Variants in IQSEC2 observed in about 807,000 individuals in gnomAD.
IQSEC2 encodes IQ motif and SEC7 domain-containing protein 2.
Under a neutral mutation model 74.6 loss-of-function variants are expected in IQSEC2, and 6 were observed. The ratio of observed to expected loss-of-function variants is 0.08; its 90% confidence interval spans 0.04 to 0.16. IQSEC2 has a LOEUF of 0.16. Among genes scored for constraint, IQSEC2 ranks in the 10% least tolerant of loss-of-function variants. The probability of loss-of-function intolerance (pLI) is 1.00; values close to 1 mark genes in which losing one functional copy is unlikely to be tolerated. For missense variants in IQSEC2, 734 were observed against 1,306.2 expected (o/e 0.56, Z 6.75); for synonymous variants, 494 against 544.5 (o/e 0.91, Z 1.29).
intron 8 of IQSEC2, among the ~76,000 whole-genome samples, chrX:53,243,958 G>A (rs1278068766): frequency 4.5e-5 from 5 of 111,771 alleles, no homozygotes; most frequent in African/African-American, 9.7e-5. Flanking sequence ...GGTGGCTCAC[G>A]CCTGTACTCC....
intron 2 of IQSEC2, among the ~76,000 whole-genome samples, chrX:53,277,711 C>T (rs782718996): frequency 9.9e-5 from 11 of 111,627 alleles, no homozygotes; most frequent in African/African-American, 3.3e-4. Flanking sequence ...TGCTCTGTTA[C>T]CCAGGCTGGA....
In IQSEC2 at chrX:53,234,588, G is replaced by C. The variant is rs1200431219; in HGVS notation, c.4098C>G (p.Ser1366=). The C allele has an allele frequency of 8.9e-7, 1 of 1,126,920 alleles. No individual in the cohort carries two copies. Among genetic ancestry groups the C allele is most frequent in the Non-Finnish European group, 1.2e-6 (1 of 851,782 alleles). The allele number at this position is 1,126,920 out of a possible 1,213,427, so 92.9% of individuals were successfully genotyped here. Residue 1366 remains serine, a synonymous_variant, in exon 15 of 15, where the codon TCC becomes TCG. Coordinates refer to ENST00000642864, the MANE Select transcript of IQSEC2 (RefSeq NM_001111125.3). Reference sequence around the variant, plus strand: ...GGGCAGGACTGTACAGGGGCAGTGGGGATGTGGGCTGGTGCAGGGGGTGGC... The same window carrying C: ...GGGCAGGACTGTACAGGGGCAGTGGCGATGTGGGCTGGTGCAGGGGGTGGC... ...HGRHPLHQPT[S]PLPLYSPAPQ... is the part of the protein sequence containing the mutation.
intron 1 of IQSEC2, among the ~76,000 whole-genome samples, chrX:53,307,292 T>G (rs1473093508): frequency 1.4e-5 from 1 of 69,283 alleles, no homozygotes; most frequent in African/African-American, 4.1e-5. Context: ...TCTTTCTTTC[T>G]TTCTTTTTTT....
Position 53,250,290 on chromosome X carries a change from G to A in IQSEC2, c.2286C>T (p.Asn762=), listed in dbSNP as rs942858332. The A allele has an allele frequency of 2.5e-6, 3 of 1,211,116 alleles. No individual in the cohort carries two copies. The highest frequency in any genetic ancestry group is 2.2e-6 in the Non-Finnish European group (2 of 895,453). The part of the protein sequence containing the change: ...VQRRHYRIGL[N]LFNKKPEKGI... The stretch of plus-strand genomic sequence containing the variant: ...CGGGGAGCACGCACTTGTTGAAGAG[G>A]TTGAGGCCGATTCGGTAGTGCCGCC... Residue 762 remains asparagine (N), a synonymous_variant, in exon 5 of 15, where the codon AAC becomes AAT. Transcript: ENST00000642864.
Position 53,248,882 on chromosome X carries a change from C to T in IQSEC2, c.2298G>A (p.Lys766=). 8.3e-7 allele frequency: 1 copy of T among 1,207,696 alleles called. No homozygotes were observed. Among genetic ancestry groups the T allele is most frequent in the Non-Finnish European group, 1.1e-6 (1 of 893,251 alleles). The part of the protein sequence containing the change: ...HYRIGLNLFN[K]KPEKGIQYLI... The stretch of plus-strand genomic sequence containing the variant: ...GATACTGGATACCCTTCTCTGGCTT[C>T]CTGCAGAAAGAGGAGAGGTAGATGA... The change falls in exon 6 of 15, where the codon AAG becomes AAA. Residue 766 remains lysine (K), a splice_region_variant and synonymous_variant. Transcript: ENST00000642864.
chrX:53,319,327 A>G (rs1158868760), intron 1 of IQSEC2, among the ~76,000 whole-genome samples: 2 of 111,633 alleles, frequency 1.8e-5, no homozygotes, highest in African/African-American at 6.5e-5. Flanking sequence ...AGAACCATCA[A>G]ATCTGAGCTG....
intron 1 of IQSEC2, among the ~76,000 whole-genome samples, chrX:53,310,342 C>T (rs782415535): frequency 1.8e-5 from 2 of 110,699 alleles, no homozygotes; most frequent in Non-Finnish European, 3.8e-5. Flanking sequence ...TGTGATCGCA[C>T]CACTGTTCTC....
chrX:53,235,882 A>T, intron 13 of IQSEC2, 50 bp from the exon 14 acceptor site: 1 of 1,091,823 alleles, frequency 9.2e-7, no homozygotes, highest in Non-Finnish European at 1.2e-6. Context: ...CCCCCCCCCT[A>T]CCCTGCTGGG....
Position 53,250,422 on chromosome X carries a change from C to T in IQSEC2, c.2154G>A (p.Arg718=), listed in dbSNP as rs1556863014. 1.7e-6 allele frequency: 2 copies of T among 1,211,839 alleles called. No individual in the cohort carries two copies. The highest frequency in any genetic ancestry group is 2.2e-6 in the Non-Finnish European group (2 of 895,453). ...TINCSSGSSS[R]DSLREPPATG... Reference sequence around the variant, plus strand: ...TAGCCGGAGGCTCCCTTAGACTGTCCCGAGAAGAGGAGCCGGAGCTGCAGT... The same window carrying T: ...TAGCCGGAGGCTCCCTTAGACTGTCTCGAGAAGAGGAGCCGGAGCTGCAGT... The change falls in exon 5 of 15, where the codon CGG becomes CGA. Residue 718 remains arginine, a synonymous_variant. Transcript: ENST00000642864.
Position 53,311,665 on chromosome X carries a change from T to C in IQSEC2, c.707+8752A>G, listed in dbSNP as rs781967370. Among the ~76,000 whole-genome samples, 8 of 112,066 alleles carry C rather than the reference T, an allele frequency of 7.1e-5. No individual in the cohort carries two copies. The South Asian group carries it at 2.6e-3, about 36-fold the overall frequency. On this transcript the variant is annotated intron_variant, in intron 1 of 14. Transcript: ENST00000642864. Reference sequence around the variant, plus strand: ...GCATGGTGGCTCATGCCTGTAATCCTAGTACTTTGGGAGGCCAGGGCAGGT... The same window carrying C: ...GCATGGTGGCTCATGCCTGTAATCCCAGTACTTTGGGAGGCCAGGGCAGGT...
At chrX:53,300,229 C>T (rs782258363) in intron 1 of IQSEC2, among the ~76,000 whole-genome samples, 9 of 111,412 alleles carry the variant, frequency 8.1e-5, no homozygotes, top group Non-Finnish European at 1.5e-4. Flanking sequence ...TTTTTTACTC[C>T]TTTTTTCATA....
In IQSEC2 at chrX:53,266,278, G is replaced by A. The variant is rs1486163059; in HGVS notation, c.738-10217C>T. On this transcript the variant is annotated intron_variant, in intron 2 of 14. Transcript: ENST00000642864. ...TAGGAAAGAAGGCAAGGCCCTGGTG[G>A]GGATTGGAAGAGGGAAGTGGGGGTG... 15 of 567,946 alleles carry A rather than the reference G, an allele frequency of 2.6e-5. No individual in the cohort carries two copies. In the Admixed American group the frequency reaches 1.1e-3, roughly 41 times the overall value. The allele number at this position is 567,946 out of a possible 1,213,427, so 46.8% of individuals were successfully genotyped here.
intron 7 of IQSEC2, 143 bp from the exon 8 acceptor site, chrX:53,247,278 T>C (rs1241683815): frequency 6.4e-5 from 34 of 529,131 alleles, no homozygotes; most frequent in East Asian, 3.7e-5. Flanking sequence ...GAGCTTCCCC[T>C]AGACCAGCAT....
intron 8 of IQSEC2, among the ~76,000 whole-genome samples, chrX:53,245,442 A>T (rs1334989764): frequency 2.8e-5 from 3 of 108,683 alleles, no homozygotes; most frequent in Non-Finnish European, 5.7e-5. Context: ...AATAAAAAAA[A>T]AAAAAACAAA....
intron 1 of IQSEC2, among the ~76,000 whole-genome samples, chrX:53,292,192 G>C (rs1602350432): frequency 8.9e-6 from 1 of 112,125 alleles, no homozygotes; most frequent in East Asian, 2.8e-4. Context: ...TGAGGTCAAA[G>C]AGGCACCAGG....
intron 2 of IQSEC2, among the ~76,000 whole-genome samples, chrX:53,277,618 C>A (rs1556869822): frequency 9.0e-6 from 1 of 111,645 alleles, no homozygotes; most frequent in Non-Finnish European, 1.9e-5. Flanking sequence ...TCCTAGAAAA[C>A]CACCCAATTC....
intron 2 of IQSEC2, among the ~76,000 whole-genome samples, chrX:53,291,334 A>AAAAAT (rs781834335): frequency 8.3e-4 from 93 of 111,627 alleles, no homozygotes; most frequent in African/African-American, 1.8e-3. Flanking sequence ...TAACAACAAC[A>AAAAAT]AAAATAAAAT....
chrX:53,266,595 A>G (rs1372398297), intron 2 of IQSEC2: 2 of 780,053 alleles, frequency 2.6e-6, no homozygotes, highest in Non-Finnish European at 3.0e-6. Context: ...GGACAGAGGT[A>G]GGTCCTTGGG....
chrX:53,257,960 C>G (rs1472108760), intron 2 of IQSEC2, among the ~76,000 whole-genome samples: 5 of 111,745 alleles, frequency 4.5e-5, no homozygotes, highest in Non-Finnish European at 9.4e-5. Context: ...AGAGCCCACA[C>G]TCTTAAACAT....
Sources: allele counts gnomAD v4.1 joint callset (sites outside exome capture counted in the v4.1 genomes callset), GRCh38; gene constraint gnomAD v4.1.1; transcripts MANE v1.5; gene names NCBI Gene and HGNC (gene_info 2026-07-23, HGNC 2026-07-21).